The following CDC25B variants were observed in gnomAD, a reference collection of about 807,000 sequenced individuals.
CDC25B encodes the protein cell division cycle 25B.
CDC25B carries 33 observed loss-of-function variants against 69.8 expected under a neutral mutation model. The ratio of observed to expected loss-of-function variants is 0.47; its 90% CI spans 0.36 to 0.63. The LOEUF is 0.63. Ranked by LOEUF, CDC25B falls within the 30% of genes least tolerant of loss-of-function variation. CDC25B has a pLI of 0.00. For synonymous variants in CDC25B, 341 were observed against 314.6 expected, an observed-to-expected ratio of 1.08 and a Z score of -0.89; for missense variants, 727 against 809.1, an observed-to-expected ratio of 0.90 and a Z score of 1.23.
Position 3,803,213 on chromosome 20 carries a change from T to C in CDC25B, c.1356+7T>C, listed in dbSNP as rs191957259. On this transcript the variant is annotated splice_region_variant and intron_variant, in intron 13 of 15. Transcript: ENST00000245960. The surrounding 1 kb of genome is among the most constrained non-coding windows in gnomAD (Gnocchi z 4.9). Reference sequence around the variant, plus strand: ...TGAAGGCGGGCACATCAAGGTAAGATGGGGCAATGGGGAGAGGCCCTGAAG... The same window carrying C: ...TGAAGGCGGGCACATCAAGGTAAGACGGGGCAATGGGGAGAGGCCCTGAAG... 13 of 1,604,576 alleles carry C rather than the reference T, an allele frequency of 8.1e-6. No individual in the cohort carries two copies. The Admixed American group carries it at 1.3e-4, about 16-fold the overall frequency.
intron 8 of CDC25B, 22 bp from the exon 9 acceptor site, chr20:3,801,700 G>A: frequency 6.4e-7 from 1 of 1,569,168 alleles, no homozygotes; most frequent in Non-Finnish European, 8.6e-7. Context: ...TTGTGACCCT[G>A]TCCTTGCTAA....
intron 1 of CDC25B, among the ~76,000 whole-genome samples, 189 bp downstream of exon 1, chr20:3,796,920 C>T (rs962929017): frequency 1.3e-5 from 2 of 152,046 alleles, no homozygotes; most frequent in South Asian, 2.1e-4. Context: ...CTGGGCTGTG[C>T]CCCCCACACC....
Position 3,800,824 on chromosome 20 carries a change from G to A in CDC25B, c.541G>A (p.Gly181Ser), listed in dbSNP as rs1382726900. Residue 181 changes from glycine to serine, a missense_variant, in exon 6 of 16, where the codon GGC becomes AGC. This residue lies in a region of CDC25B where 368 missense variants were observed against 345.6 expected (regional missense o/e 1.06). Coordinates refer to ENST00000245960, the MANE Select transcript of CDC25B (RefSeq NM_021873.4). Reference protein sequence around the residue: ...APDGRRKSEAGSGAASSSGED... With the variant: ...APDGRRKSEASSGAASSSGED... Reference sequence around the variant, plus strand: ...CGACGGCCGGAGGAAGAGCGAGGCGGGCAGTGGAGCTGCCAGCAGCTCTGG... The same window carrying A: ...CGACGGCCGGAGGAAGAGCGAGGCGAGCAGTGGAGCTGCCAGCAGCTCTGG... 1.2e-6 allele frequency: 2 copies of A among 1,613,468 alleles called. No individual in the cohort carries two copies. The highest frequency in any genetic ancestry group is 1.7e-5 in the Admixed American group (1 of 60,004).
At position 3,800,822 on chromosome 20, in the gene CDC25B, C is replaced by T. The variant is rs920383476; in HGVS notation, c.539C>T (p.Ala180Val). The T allele has an allele frequency of 1.7e-5, 28 of 1,613,294 alleles. No individual in the cohort carries two copies. Among genetic ancestry groups the T allele is most frequent in the African/African-American group, 5.3e-5 (4 of 74,930 alleles). Residue 180 changes from alanine to valine, a missense_variant, in exon 6 of 16, where the codon GCG (alanine) becomes GTG (valine). Around this residue, in one of 2 missense-constraint regions of CDC25B, gnomAD observed 368 missense variants for 345.6 expected, o/e 1.06. Coordinates refer to ENST00000245960, the MANE Select transcript of CDC25B (RefSeq NM_021873.4). Reference sequence around the variant, plus strand: ...CCCGACGGCCGGAGGAAGAGCGAGGCGGGCAGTGGAGCTGCCAGCAGCTCT... The same window carrying T: ...CCCGACGGCCGGAGGAAGAGCGAGGTGGGCAGTGGAGCTGCCAGCAGCTCT... The part of the protein sequence containing the change: ...QAPDGRRKSE[A>V]GSGAASSSGE...
chr20:3,802,715 C>A, intron 11 of CDC25B, 195 bp from the exon 12 acceptor site: 1 of 616,394 alleles, frequency 1.6e-6, no homozygotes, highest in Non-Finnish European at 2.9e-6. Context: ...TTTCATTTCT[C>A]TTTCCCCTTG....
intron 11 of CDC25B, chr20:3,802,670 A>T: frequency 3.3e-6 from 2 of 604,768 alleles, no homozygotes; most frequent in Non-Finnish European, 5.9e-6. Context: ...GAGGGTAGGG[A>T]GCAGAGTGTG....
At position 3,803,247 on chromosome 20, in the gene CDC25B, T is replaced by C. The variant is rs2089351413; in HGVS notation, c.1356+41T>C. 1 of 1,579,824 alleles carries C rather than the reference T, an allele frequency of 6.3e-7. No individual in the cohort carries two copies. Among genetic ancestry groups the C allele is most frequent in the Admixed American group, 1.7e-5 (1 of 59,346 alleles). The stretch of plus-strand genomic sequence containing the variant: ...GGGGAGAGGCCCTGAAGATCCCACC[T>C]GGTTTAGGTCCTTGCTTTGCCAAGA... On this transcript the variant is annotated intron_variant, in intron 13 of 15. Coordinates refer to ENST00000245960, the MANE Select transcript of CDC25B (RefSeq NM_021873.4). This position sits in a 1 kb window ranked among gnomAD's most constrained non-coding sequence, Gnocchi z 4.9.
rs2089254742 is a variant in CDC25B at position 3,800,847 on chromosome 20, T to C, written c.564T>C (p.Ser188=). ...CGGGCAGTGGAGCTGCCAGCAGCTCTGGGGAAGACAAGGAGAATGTGCGCT... is the reference window on the plus strand; with the variant it reads ...CGGGCAGTGGAGCTGCCAGCAGCTCCGGGGAAGACAAGGAGAATGTGCGCT... ...SEAGSGAASS[S]GEDKENDGFV... The change falls in exon 6 of 16, where the codon TCT becomes TCC. Residue 188 remains serine, a synonymous_variant. Coordinates refer to ENST00000245960, the MANE Select transcript of CDC25B (RefSeq NM_021873.4). The C allele has an allele frequency of 6.2e-7, 1 of 1,613,634 alleles. No homozygotes were observed. Among genetic ancestry groups the C allele is most frequent in the Admixed American group, 1.7e-5 (1 of 59,994 alleles).
chr20:3,787,963 C>T (rs186584899), intron 1 of CDC25B, among the ~76,000 whole-genome samples: 1 of 152,214 alleles, frequency 6.6e-6, no homozygotes, highest in East Asian at 1.9e-4. Flanking sequence ...TAGTGAAACT[C>T]CGTCTCTACT....
At chr20:3,800,691 C>A (rs41279400) in intron 5 of CDC25B, 52 bp from the exon 6 acceptor site, 15 of 1,600,664 alleles carry the variant, frequency 9.4e-6, no homozygotes, top group East Asian at 2.2e-5. Context: ...GGGCTCGTGC[C>A]GGAGGAATGC....
Position 3,801,235 on chromosome 20 carries a change from C to G in CDC25B, c.706-19C>G, listed in dbSNP as rs1225005988. On this transcript the variant is annotated intron_variant, in intron 7 of 15. Coordinates refer to ENST00000245960, the MANE Select transcript of CDC25B (RefSeq NM_021873.4). The stretch of plus-strand genomic sequence containing the variant: ...ACTATCTCCACCTCTAAGTCTGTGT[C>G]TGTCTGTCATGTGGACAGTGTCTCA... The G allele has an allele frequency of 2.5e-6, 4 of 1,612,346 alleles. No individual in the cohort carries two copies. The highest frequency in any genetic ancestry group is 1.7e-6 in the Non-Finnish European group (2 of 1,179,162).
chr20:3,787,342 A>C (rs1169932279), intron 1 of CDC25B, among the ~76,000 whole-genome samples: 2 of 152,220 alleles, frequency 1.3e-5, no homozygotes, highest in Non-Finnish European at 2.9e-5. Flanking sequence ...ATTGTGTAGC[A>C]TTCCAGCTAT....
upstream of CDC25B, among the ~76,000 whole-genome samples, chr20:3,791,743 C>A (rs1015090743): frequency 2.0e-5 from 3 of 152,134 alleles, no homozygotes; most frequent in African/African-American, 7.2e-5. Flanking sequence ...AGGAATTCAT[C>A]TTGTAGATAG....
chr20:3,795,464 AAAT>A (rs2089004585), upstream of CDC25B, among the ~76,000 whole-genome samples: 1 of 152,260 alleles, frequency 6.6e-6, no homozygotes, highest in African/African-American at 2.4e-5. Flanking sequence ...AACACCAATT[AAAT>A]AATATGGTGC....
Position 3,800,483 on chromosome 20 carries a change from C to G in CDC25B, c.444C>G (p.Arg148=), listed in dbSNP as rs1433516628. The change falls in exon 5 of 16, where the codon CGC becomes CGG. Residue 148 remains arginine, a synonymous_variant. Transcript: ENST00000245960. ...IIRNEQFAIR[R]FQSMPVRLLG... is the part of the protein sequence containing the mutation. ...GTAGCGAGCAGTTTGCCATCAGACG[C>G]TTCCAGTCTATGCCGGTGAGTGTCT... 6.2e-7 allele frequency: 1 copy of G among 1,614,124 alleles called. No individual in the cohort carries two copies. The highest frequency in any genetic ancestry group is 2.2e-5 in the East Asian group (1 of 44,898).
intron 1 of CDC25B, among the ~76,000 whole-genome samples, chr20:3,789,042 G>C (rs960463539): frequency 6.6e-6 from 1 of 152,142 alleles, no homozygotes. Context: ...AGCAGTGCAC[G>C]GGGCCCATTT....
At chr20:3,801,170 C>T (rs2089269581) in intron 7 of CDC25B, 77 bp downstream of exon 7, 5 of 1,604,958 alleles carry the variant, frequency 3.1e-6, no homozygotes, top group Non-Finnish European at 4.3e-6. Flanking sequence ...CCTGAACCCC[C>T]AGGCACTGGG....
At position 3,805,767 on chromosome 20, in the gene CDC25B, C is replaced by T. The variant is rs1443246262; in HGVS notation, c.*806C>T. ...CTGTGAACCCTGGGGCCTGACTGCT[C>T]AGAACTTGCTGCTGTCTTGTTGCGG... On this transcript the variant is annotated 3_prime_UTR_variant, in exon 16 of 16. Coordinates refer to ENST00000245960, the MANE Select transcript of CDC25B (RefSeq NM_021873.4). 3.9e-5 allele frequency: 16 copies of T among 405,108 alleles called. No individual in the cohort carries two copies. Among genetic ancestry groups the T allele is most frequent in the Non-Finnish European group, 6.6e-5 (15 of 228,022 alleles). The allele number at this position is 405,108 out of a possible 1,614,324, so 25.1% of individuals were successfully genotyped here. A position where few individuals can be genotyped will look rare whatever the true frequency, so the allele number is the denominator to read the frequency against.
chr20:3,797,519 T>A, intron 1 of CDC25B, 103 bp from the exon 2 acceptor site: 1 of 1,432,350 alleles, frequency 7.0e-7, no homozygotes, highest in Non-Finnish European at 9.6e-7. Flanking sequence ...GTGTAGTGTT[T>A]CGCTCAGTTC....
Sources: allele counts gnomAD v4.1 joint callset (sites outside exome capture counted in the v4.1 genomes callset), GRCh38; gene constraint gnomAD v4.1.1; regional missense constraint gnomAD v4.1.1; non-coding constraint Gnocchi (gnomAD v3.1); transcripts MANE v1.5; gene names NCBI Gene and HGNC (gene_info 2026-07-23, HGNC 2026-07-21).